DNAH9: variants seen among roughly 807,000 people sequenced by gnomAD.
The protein encoded by DNAH9 is dynein axonemal heavy chain 9.
DNAH9 carries 345 observed loss-of-function variants against 471.6 expected under a neutral mutation model. That is an observed-to-expected ratio of 0.73 (90% CI 0.67 to 0.80). The LOEUF (loss-of-function observed/expected upper bound fraction) is 0.80, where lower values mean the gene tolerates loss of function less well. Ranked by LOEUF, DNAH9 falls within the 30% of genes least tolerant of loss-of-function variation. The pLI is 0.00. For missense variants in DNAH9, 5,407 were observed against 5,609.2 expected (o/e 0.96, Z 1.15); for synonymous variants, 2,093 against 2,123.6 (o/e 0.99, Z 0.40).
At chr17:11,791,767 G>A (rs931725418) in intron 41 of DNAH9, among the ~76,000 whole-genome samples, 6 of 152,072 alleles carry the variant, frequency 3.9e-5, no homozygotes, top group Admixed American at 1.3e-4. Flanking sequence ...TAATCGAGAC[G>A]TATACATAAA....
chr17:11,826,625 AT>A (rs952573383), intron 48 of DNAH9, among the ~76,000 whole-genome samples: 30 of 145,822 alleles, frequency 2.1e-4, no homozygotes, highest in Admixed American at 7.5e-4. Context: ...TGCCCGGCTA[AT>A]TTTTTTTTTG....
At chr17:11,677,627 A>T (rs966119542) in intron 17 of DNAH9, among the ~76,000 whole-genome samples, 4 of 152,160 alleles carry the variant, frequency 2.6e-5, no homozygotes, top group African/African-American at 9.7e-5. Flanking sequence ...TTGTTCATTA[A>T]CATTGATCGT....
intron 1 of DNAH9, among the ~76,000 whole-genome samples, chr17:11,606,045 G>A (rs530464445): frequency 5.9e-5 from 9 of 152,212 alleles, no homozygotes; most frequent in Admixed American, 2.0e-4. Flanking sequence ...CCTCTTTCCC[G>A]GTTAGGACTT....
At chr17:11,824,981 C>T (rs1970440145) in intron 48 of DNAH9, among the ~76,000 whole-genome samples, 1 of 149,700 alleles carries the variant, frequency 6.7e-6, no homozygotes, top group Non-Finnish European at 1.5e-5. Flanking sequence ...TTATATAGAC[C>T]TTTTTTTTTC....
At chr17:11,661,759 C>T (rs943332180) in intron 14 of DNAH9, among the ~76,000 whole-genome samples, 1 of 151,950 alleles carries the variant, frequency 6.6e-6, no homozygotes, top group African/African-American at 2.4e-5. Flanking sequence ...TATGCACACA[C>T]ACATAATATA....
At position 11,821,958 on chromosome 17, in the gene DNAH9, A is replaced by G; in HGVS notation, c.8746A>G (p.Asn2916Asp). ...TCTCTACTCTGATGATGAAGTTGAA[A>G]ACATCATAAGCAATGTGAGGAATGA... The part of the protein sequence containing the change: ...PDLYSDDEVE[N>D]IISNVRNEVK... Residue 2916 changes from asparagine (N) to aspartate (D), a missense_variant, in exon 46 of 69, where the codon AAC (asparagine) becomes GAC (aspartate). Asn to Asp is a conservative substitution (Grantham distance 23). This residue lies in a region of DNAH9 where 4,636 missense variants were observed against 4,900.3 expected (regional missense o/e 0.95). Transcript: ENST00000262442. The G allele has an allele frequency of 6.2e-7, 1 of 1,614,110 alleles. No homozygotes were observed. Among genetic ancestry groups the G allele is most frequent in the Non-Finnish European group, 8.5e-7 (1 of 1,180,000 alleles).
chr17:11,752,791 T>C (rs1464439876), intron 32 of DNAH9, 42 bp from the exon 33 acceptor site: 1 of 1,500,638 alleles, frequency 6.7e-7, no homozygotes, highest in African/African-American at 1.4e-5. Flanking sequence ...GAAAGAGGAT[T>C]AATGAAGAAA....
chr17:11,724,345 C>T (rs1185157456), intron 27 of DNAH9, among the ~76,000 whole-genome samples: 1 of 152,096 alleles, frequency 6.6e-6, no homozygotes, highest in East Asian at 1.9e-4. Context: ...TTTCTCCTTC[C>T]CAGCCTCTGG....
chr17:11,780,004 T>G (rs755263686), intron 38 of DNAH9, among the ~76,000 whole-genome samples: 1 of 152,226 alleles, frequency 6.6e-6, no homozygotes, highest in East Asian at 1.9e-4. Flanking sequence ...TTCTCAGAGC[T>G]TCCAGCTGTA....
At chr17:11,802,748 A>G (rs1324313739) in intron 43 of DNAH9, among the ~76,000 whole-genome samples, 1 of 151,834 alleles carries the variant, frequency 6.6e-6, no homozygotes, top group South Asian at 2.1e-4. Context: ...CAAGGCGAGA[A>G]CCTATTTTTA....
chr17:11,769,583 T>C (rs1275853767), intron 38 of DNAH9, among the ~76,000 whole-genome samples: 3 of 152,216 alleles, frequency 2.0e-5, no homozygotes, highest in Non-Finnish European at 4.4e-5. Flanking sequence ...GAGCAAGGTG[T>C]TCAACACAGA....
chr17:11,743,797 T>C (rs1242644331), intron 30 of DNAH9, among the ~76,000 whole-genome samples: 1 of 152,114 alleles, frequency 6.6e-6, no homozygotes, highest in Admixed American at 6.5e-5. Flanking sequence ...ACTGTGTTCT[T>C]TGTCATCATT....
chr17:11,762,313 A>G (rs1370382885), intron 35 of DNAH9, among the ~76,000 whole-genome samples: 2 of 152,128 alleles, frequency 1.3e-5, no homozygotes, highest in Non-Finnish European at 2.9e-5. Context: ...GCTGCCTATG[A>G]ACACTTCATC....
At chr17:11,809,816 T>C (rs1020208344) in intron 44 of DNAH9, among the ~76,000 whole-genome samples, 2 of 152,130 alleles carry the variant, frequency 1.3e-5, no homozygotes, top group African/African-American at 2.4e-5. Context: ...GTCTTACATA[T>C]AAGACTTGCA....
chr17:11,700,487 C>T (rs1171225509), intron 23 of DNAH9, among the ~76,000 whole-genome samples: 1 of 152,160 alleles, frequency 6.6e-6, no homozygotes, highest in South Asian at 2.1e-4. Flanking sequence ...ATTAGCACCA[C>T]CGATAAATAT....
chr17:11,747,588 G>T lies in DNAH9; in HGVS notation c.6432G>T (p.Arg2144=). The change falls in exon 32 of 69, where the codon CGG becomes CGT. Residue 2144 remains arginine (R), a synonymous_variant. Transcript: ENST00000262442. ...AGCTGGAGGAGCTCCTGGCTGTGCG[G>T]CACTCTGTATTTGTGGTGGGTGGCG... ...VVQLEELLAV[R]HSVFVVGGAG... is the part of the protein sequence containing the mutation. 5 of 1,613,942 alleles carry T rather than the reference G, an allele frequency of 3.1e-6. No individual in the cohort carries two copies. Among genetic ancestry groups the T allele is most frequent in the Non-Finnish European group, 4.2e-6 (5 of 1,180,010 alleles).
chr17:11,911,230 C>T (rs573337794), intron 61 of DNAH9, among the ~76,000 whole-genome samples: 10 of 152,272 alleles, frequency 6.6e-5, no homozygotes, highest in African/African-American at 2.4e-4. Flanking sequence ...AGGAAAGGGT[C>T]CAACTTTGTC....
At chr17:11,629,257 C>A (rs934838851) in intron 6 of DNAH9, among the ~76,000 whole-genome samples, 160 bp from the exon 7 acceptor site, 1 of 151,498 alleles carries the variant, frequency 6.6e-6, no homozygotes, top group African/African-American at 2.4e-5. Flanking sequence ...CATCCCCCCA[C>A]CCCACAACAG....
intron 32 of DNAH9, among the ~76,000 whole-genome samples, chr17:11,748,113 G>T (rs1966970441): frequency 7.7e-6 from 1 of 130,610 alleles, no homozygotes; most frequent in South Asian, 2.5e-4. Flanking sequence ...GACCAGCCTG[G>T]CCAATATGGT....
Sources: gnomAD v4.1 joint callset for allele counts (sites outside exome capture counted in the v4.1 genomes callset) on GRCh38, gnomAD v4.1.1 for gene constraint, gnomAD v4.1.1 regional missense constraint, MANE v1.5 for transcripts, NCBI Gene and HGNC (gene_info 2026-07-23, HGNC 2026-07-21) for gene names.